The following PCDHGA5 variants were observed in gnomAD, a reference collection of about 807,000 sequenced individuals.
PCDHGA5 encodes the protein protocadherin gamma-A5.
In PCDHGA5, 36 loss-of-function variants were observed where a neutral mutation model predicts 56.7. The observed-to-expected ratio is 0.64, with a 90% confidence interval of 0.49 to 0.84. The LOEUF is 0.84. Ranked by LOEUF, PCDHGA5 falls within the 40% of genes least tolerant of loss-of-function variation. The pLI is 0.00. For missense variants in PCDHGA5, 1,305 were observed against 1,201.5 expected (o/e 1.09, Z -1.27); for synonymous variants, 563 against 520.2 (o/e 1.08, Z -1.12).
rs1030462993 is a variant in PCDHGA5 at position 141,367,932 on chromosome 5, A to G, written c.2421+1181A>G. On this transcript the variant is annotated intron_variant, in intron 1 of 3. Coordinates refer to ENST00000518069, the MANE Select transcript of PCDHGA5 (RefSeq NM_018918.3). Reference sequence around the variant, plus strand: ...GAAAAAAAAAGAACTCAACTTAAAGATGGTTCAAAATTTTAAATTTCATAT... The same window carrying G: ...GAAAAAAAAAGAACTCAACTTAAAGGTGGTTCAAAATTTTAAATTTCATAT... 103 of 152,212 alleles carry G rather than the reference A, an allele frequency of 6.8e-4. 1 individual carries two copies. The highest frequency in any genetic ancestry group is 2.4e-3 in the African/African-American group (101 of 41,450). The allele number at this position is 152,212 out of a possible 1,614,324, so 9.4% of individuals were successfully genotyped here.
At position 141,491,623 on chromosome 5, in the gene PCDHGA5, G is replaced by A. The variant is rs767724749; in HGVS notation, c.2422-3184G>A. The A allele has an allele frequency of 3.7e-6, 6 of 1,613,812 alleles. No homozygotes were observed. The highest frequency in any genetic ancestry group is 2.7e-5 in the African/African-American group (2 of 74,938). On this transcript the variant is annotated intron_variant, in intron 1 of 3. Transcript: ENST00000518069. This position sits in a 1 kb window ranked among gnomAD's most constrained non-coding sequence, Gnocchi z 6.9. ...CTTCACTTTTCTAAGACCCCTCAGC[G>A]TTCAGCAGCCCACAGCTCTGGCGCT...
At position 141,476,980 on chromosome 5, in the gene PCDHGA5, C is replaced by T; in HGVS notation, c.2422-17827C>T. 6.2e-7 allele frequency: 1 copy of T among 1,614,232 alleles called. No individual in the cohort carries two copies. Among genetic ancestry groups the T allele is most frequent in the Non-Finnish European group, 8.5e-7 (1 of 1,180,044 alleles). On this transcript the variant is annotated intron_variant, in intron 1 of 3. Coordinates refer to ENST00000518069, the MANE Select transcript of PCDHGA5 (RefSeq NM_018918.3). This position sits in a 1 kb window ranked among gnomAD's most constrained non-coding sequence, Gnocchi z 7.6. Reference sequence around the variant, plus strand: ...TTTACTCCTTCGGCAGCCACAACCGCGCCGGCGTGCGGCAACTATTCGCCT... The same window carrying T: ...TTTACTCCTTCGGCAGCCACAACCGTGCCGGCGTGCGGCAACTATTCGCCT...
rs764696444 is a variant in PCDHGA5 at position 141,375,374 on chromosome 5, C to A, written c.2421+8623C>A. On this transcript the variant is annotated intron_variant, in intron 1 of 3. Coordinates refer to ENST00000518069, the MANE Select transcript of PCDHGA5 (RefSeq NM_018918.3). Reference sequence around the variant, plus strand: ...GACAGCCACGGACAAAGGAACACCACCTCTGTCTACAGAAACAATCATCTC... The same window carrying A: ...GACAGCCACGGACAAAGGAACACCAACTCTGTCTACAGAAACAATCATCTC... The A allele has an allele frequency of 2.4e-5, 38 of 1,613,952 alleles. No homozygotes were observed. In the South Asian group the frequency reaches 3.6e-4, roughly 15 times the overall value.
chr5:141,376,701 A>G (rs1226810157), intron 1 of PCDHGA5: 2 of 567,970 alleles, frequency 3.5e-6, no homozygotes, highest in African/African-American at 3.9e-5. Context: ...TTTTTTTGAG[A>G]CGGAGTCTCG....
At chr5:141,384,214 T>A in intron 1 of PCDHGA5, 1 of 1,613,874 alleles carries the variant, frequency 6.2e-7, no homozygotes, top group Non-Finnish European at 8.5e-7. Flanking sequence ...AACTCACATA[T>A]TCATGCAGGT....
Position 141,365,498 on chromosome 5 carries a change from T to A in PCDHGA5, c.1168T>A (p.Leu390Met). 6.2e-7 allele frequency: 1 copy of A among 1,613,936 alleles called. No homozygotes were observed. The highest frequency in any genetic ancestry group is 8.5e-7 in the Non-Finnish European group (1 of 1,179,876). Residue 390 changes from leucine (L) to methionine (M), a missense_variant, in exon 1 of 4, where the codon TTG (leucine) becomes ATG (methionine). Coordinates refer to ENST00000518069, the MANE Select transcript of PCDHGA5 (RefSeq NM_018918.3). ...GEIACSIPRN[L>M]PFKLEKSVDN... The stretch of plus-strand genomic sequence containing the variant: ...GATTGCATGCTCTATTCCTAGGAAT[T>A]TGCCTTTTAAATTGGAGAAGTCAGT...
rs924491576 is a variant in PCDHGA5, at chr5:141,491,579, C to T, written c.2422-3228C>T. On this transcript the variant is annotated intron_variant, in intron 1 of 3. Coordinates refer to ENST00000518069, the MANE Select transcript of PCDHGA5 (RefSeq NM_018918.3). This position sits in a 1 kb window ranked among gnomAD's most constrained non-coding sequence, Gnocchi z 6.9. ...CACTGCTACAGGACGTGCTTTTCAC[C>T]GGCCTCGGACGGCAGTGACTTCACT... is the stretch of plus-strand genomic sequence containing the variant. 18 of 1,613,810 alleles carry T rather than the reference C, an allele frequency of 1.1e-5. No homozygotes were observed. Among genetic ancestry groups the T allele is most frequent in the Non-Finnish European group, 1.4e-5 (17 of 1,180,044 alleles).
chr5:141,370,541 C>A (rs760146561), intron 1 of PCDHGA5: 2 of 1,613,924 alleles, frequency 1.2e-6, no homozygotes, highest in African/African-American at 1.3e-5. Flanking sequence ...TGGTAGGGAA[C>A]CTCGCCAAGG....
intron 1 of PCDHGA5, among the ~76,000 whole-genome samples, chr5:141,483,272 A>T (rs545719861): frequency 4.4e-4 from 67 of 152,196 alleles, no homozygotes; most frequent in African/African-American, 1.4e-3. Flanking sequence ...TGTTTTAGAA[A>T]TATTATTCTG....
intron 2 of PCDHGA5, among the ~76,000 whole-genome samples, chr5:141,500,194 T>G (rs994324188): frequency 2.1e-4 from 31 of 147,918 alleles, no homozygotes; most frequent in African/African-American, 7.7e-4. Context: ...TTTTATTTAT[T>G]TATTTATTTA....
rs57426385 is a variant in PCDHGA5 at position 141,415,740 on chromosome 5, G to GTTTTTTTTTTTTTT, written c.2421+49008_2421+49021dup. 1.9e-4 allele frequency: 117 copies of GTTTTTTTTTTTTTT among 625,018 alleles called. 7 individuals are homozygous for GTTTTTTTTTTTTTT. Among genetic ancestry groups the GTTTTTTTTTTTTTT allele is most frequent in the African/African-American group, 5.0e-4 (20 of 39,930 alleles). 38.7% of individuals were successfully genotyped at this position (625,018 alleles called of 1,614,324 possible). A position where few individuals can be genotyped will look rare whatever the true frequency, so the allele number is the denominator to read the frequency against. On this transcript the variant is annotated intron_variant, in intron 1 of 3. Coordinates refer to ENST00000518069, the MANE Select transcript of PCDHGA5 (RefSeq NM_018918.3). ...TGAGTAGAATTTGATGTTTATTAAGGTTTTTTTTTTTTTTTTTTTTTTTTT... is the reference window on the plus strand; with the variant it reads ...TGAGTAGAATTTGATGTTTATTAAGGTTTTTTTTTTTTTTTTTTTTTTTTTTTTTTTTTTTTTTT...
At chr5:141,413,001 G>C in intron 1 of PCDHGA5, 1 of 592,908 alleles carries the variant, frequency 1.7e-6, no homozygotes, top group Non-Finnish European at 2.8e-6. Flanking sequence ...CGGATTCTCA[G>C]GGCTTCAACT....
At chr5:141,404,395 CA>C (rs2094524205) in intron 1 of PCDHGA5, 7 of 1,613,768 alleles carry the variant, frequency 4.3e-6, no homozygotes, top group Non-Finnish European at 5.9e-6. Flanking sequence ...ACCCTGATAG[CA>C]ATGAGAATTC....
Position 141,390,867 on chromosome 5 carries a change from C to T in PCDHGA5, c.2421+24116C>T, listed in dbSNP as rs370388746. On this transcript the variant is annotated intron_variant, in intron 1 of 3. Transcript: ENST00000518069. Reference sequence around the variant, plus strand: ...TTATATGCAGTGTACGCTGTGTGTGCGTGTGTGTGTGTGTGTGTGTGAGAG... The same window carrying T: ...TTATATGCAGTGTACGCTGTGTGTGTGTGTGTGTGTGTGTGTGTGTGAGAG... The T allele has an allele frequency of 2.6e-4, 39 of 151,156 alleles. No homozygotes were observed. In the South Asian group the frequency reaches 4.4e-3, roughly 17 times the overall value. 9.4% of individuals were successfully genotyped at this position (151,156 alleles called of 1,614,324 possible).
In PCDHGA5 at chr5:141,510,976, G is replaced by A. The variant is rs752758180; in HGVS notation, c.2599G>A (p.Gly867Arg). The change falls in exon 4 of 4, where the codon GGG (glycine) becomes AGG (arginine). Residue 867 changes from glycine to arginine, a missense_variant. Gly to Arg is a moderately radical substitution (Grantham distance 125, BLOSUM62 -2). Transcript: ENST00000518069. ...EAADGSSTLG[G>R]GAGTMGLSAR... ...TGCTGATGGGAGCTCCACCCTGGGA[G>A]GGGGTGCCGGCACCATGGGATTGAG... The A allele has an allele frequency of 5.0e-6, 8 of 1,614,046 alleles. No individual in the cohort carries two copies. The highest frequency in any genetic ancestry group is 6.8e-6 in the Non-Finnish European group (8 of 1,180,022).
chr5:141,510,272 TAAAA>T (rs546154379), intron 3 of PCDHGA5, among the ~76,000 whole-genome samples: 1 of 130,390 alleles, frequency 7.7e-6, no homozygotes, highest in East Asian at 2.2e-4. Context: ...GACTCCATCT[TAAAA>T]AAAAAAAAAA....
chr5:141,478,987 G>T (rs1007857792), intron 1 of PCDHGA5, among the ~76,000 whole-genome samples: 8 of 152,144 alleles, frequency 5.3e-5, no homozygotes, highest in African/African-American at 1.4e-4. Flanking sequence ...TGTGACATTT[G>T]TATTAAAACT....
intron 1 of PCDHGA5, chr5:141,389,495 G>A (rs751415442): frequency 4.3e-6 from 7 of 1,613,020 alleles, no homozygotes; most frequent in Non-Finnish European, 5.9e-6. Context: ...ACCAGGGCTC[G>A]CCAGCGCTCA....
intron 1 of PCDHGA5, chr5:141,405,447 T>C (rs2094668355): frequency 7.5e-7 from 1 of 1,339,134 alleles, no homozygotes; most frequent in South Asian, 1.3e-5. Flanking sequence ...TGAGACAGAG[T>C]CTTACTCTGT....
Sources: allele counts gnomAD v4.1 joint callset (sites outside exome capture counted in the v4.1 genomes callset), GRCh38; gene constraint gnomAD v4.1.1; non-coding constraint Gnocchi (gnomAD v3.1); transcripts MANE v1.5; gene names NCBI Gene and HGNC (gene_info 2026-07-23, HGNC 2026-07-21).